AUTS2: variants seen among roughly 807,000 people sequenced by gnomAD.
AUTS2 encodes activator of transcription and developmental regulator AUTS2.
Under a neutral mutation model 112.4 loss-of-function variants are expected in AUTS2, and 17 were observed. That is an observed-to-expected ratio of 0.15 (90% CI 0.10 to 0.23). The LOEUF (loss-of-function observed/expected upper bound fraction) is 0.23, where lower values mean the gene tolerates loss of function less well. AUTS2 is among the 10% of genes least tolerant of loss of function. The pLI is 1.00. For synonymous variants in AUTS2, 751 were observed against 702.7 expected (o/e 1.07, Z -1.09); for missense variants, 1,510 against 1,701.6 (o/e 0.89, Z 1.98).
chr7:70,001,368 C>G (rs1799184129), intron 2 of AUTS2, among the ~76,000 whole-genome samples: 1 of 152,048 alleles, frequency 6.6e-6, no homozygotes, highest in Admixed American at 6.6e-5. Flanking sequence ...TCAAGCGATT[C>G]TCCCTCCTTG....
chr7:69,927,186 T>TTA (rs67558137), intron 2 of AUTS2, among the ~76,000 whole-genome samples: 7,384 of 142,306 alleles, frequency 0.052, 251 homozygotes, highest in African/African-American at 0.1. Flanking sequence ...TCCAATATAT[T>TTA]TATATATATA....
At chr7:70,585,853 TATTTA>T (rs1802658865) in intron 5 of AUTS2, among the ~76,000 whole-genome samples, 2 of 76 alleles carry the variant, frequency 0.026, no homozygotes, top group African/African-American at 0.056. Flanking sequence ...TTTATTTATT[TATTTA>T]TGTATGTATA....
intron 1 of AUTS2, among the ~76,000 whole-genome samples, chr7:69,673,562 G>A (rs999870769): frequency 1.4e-4 from 21 of 152,182 alleles, no homozygotes; most frequent in African/African-American, 4.8e-4. Context: ...AATGTCCATG[G>A]GCAAGTTTGT....
chr7:70,462,138 G>C (rs1381681692), intron 5 of AUTS2, among the ~76,000 whole-genome samples: 1 of 152,106 alleles, frequency 6.6e-6, no homozygotes, highest in East Asian at 1.9e-4. Flanking sequence ...TGTAGTCCCA[G>C]CTACTCAGGA....
At chr7:69,909,718 C>A (rs1264505953) in intron 2 of AUTS2, among the ~76,000 whole-genome samples, 1 of 152,016 alleles carries the variant, frequency 6.6e-6, no homozygotes, top group African/African-American at 2.4e-5. Flanking sequence ...AATAAAAATT[C>A]TCATAAGAAT....
At chr7:70,020,421 AGAG>A (rs1178248154) in intron 2 of AUTS2, among the ~76,000 whole-genome samples, 2 of 152,114 alleles carry the variant, frequency 1.3e-5, no homozygotes, top group Non-Finnish European at 2.9e-5. Context: ...TCTGCAAGAG[AGAG>A]ACTGTCAGTT....
At chr7:70,496,384 A>G in intron 5 of AUTS2, among the ~76,000 whole-genome samples, 1 of 58,938 alleles carries the variant, frequency 1.7e-5, no homozygotes, top group African/African-American at 8.9e-5. Context: ...CCCCACTCAC[A>G]CACACCACGT....
In AUTS2 at chr7:69,836,950, A is replaced by G. The variant is rs577328616; in HGVS notation, c.310-62336A>G. Among the ~76,000 whole-genome samples, 7 of 152,300 alleles carry G rather than the reference A, an allele frequency of 4.6e-5. No homozygotes were observed. In the South Asian group the frequency reaches 1.5e-3, roughly 32 times the overall value. On this transcript the variant is annotated intron_variant, in intron 1 of 18. Coordinates refer to ENST00000342771, the MANE Select transcript of AUTS2 (RefSeq NM_015570.4). ...AATTAGTACACAGTAAATGTTAGGT[A>G]TATTTCTCATGTGAATGTGTGCAGT... is the stretch of plus-strand genomic sequence containing the variant.
At chr7:69,890,357 C>T (rs530616115) in intron 1 of AUTS2, among the ~76,000 whole-genome samples, 2 of 152,284 alleles carry the variant, frequency 1.3e-5, no homozygotes, top group South Asian at 4.2e-4. Context: ...GTTCTCTTCT[C>T]ACCTTTGACA....
intron 5 of AUTS2, among the ~76,000 whole-genome samples, chr7:70,626,799 G>A (rs967340820): frequency 1.3e-5 from 2 of 152,168 alleles, no homozygotes; most frequent in African/African-American, 4.8e-5. Context: ...ATTCACTTAA[G>A]ATAATGGCCT....
intron 4 of AUTS2, among the ~76,000 whole-genome samples, chr7:70,330,013 C>G (rs1180701215): frequency 1.3e-5 from 2 of 152,148 alleles, no homozygotes; most frequent in Non-Finnish European, 2.9e-5. Flanking sequence ...GCCTTAGTCC[C>G]ATTCAAGAGG....
At chr7:70,397,472 A>G (rs1794138545) in intron 4 of AUTS2, among the ~76,000 whole-genome samples, 1 of 151,996 alleles carries the variant, frequency 6.6e-6, no homozygotes, top group Non-Finnish European at 1.5e-5. Flanking sequence ...TTTGTTTTCC[A>G]TATGTATATC....
chr7:70,264,066 A>G (rs1248280980), intron 4 of AUTS2, among the ~76,000 whole-genome samples: 3 of 152,178 alleles, frequency 2.0e-5, no homozygotes, highest in African/African-American at 4.8e-5. Flanking sequence ...CCAATTGGCA[A>G]TGCTCCTTTC....
chr7:70,069,453 T>C (rs1257120244), intron 2 of AUTS2, among the ~76,000 whole-genome samples: 1 of 152,212 alleles, frequency 6.6e-6, no homozygotes, highest in African/African-American at 2.4e-5. Flanking sequence ...AGATTCTCCC[T>C]TTGTAATTAA....
At chr7:70,662,208 T>C (rs1585462035) in intron 5 of AUTS2, among the ~76,000 whole-genome samples, 1 of 152,244 alleles carries the variant, frequency 6.6e-6, no homozygotes, top group Non-Finnish European at 1.5e-5. Context: ...CTTCTGCCCA[T>C]TGCACAGTGG....
chr7:70,232,337 C>T (rs1323916859), intron 4 of AUTS2, among the ~76,000 whole-genome samples: 15 of 151,774 alleles, frequency 9.9e-5, no homozygotes, highest in Non-Finnish European at 1.8e-4. Context: ...CTTTGTCTTT[C>T]TATGAGCATA....
intron 2 of AUTS2, among the ~76,000 whole-genome samples, chr7:70,070,172 A>G (rs1236868017): frequency 6.6e-6 from 1 of 152,104 alleles, no homozygotes; most frequent in Non-Finnish European, 1.5e-5. Flanking sequence ...TTGTGCCTAA[A>G]AGAGAGAGAG....
At chr7:70,564,100 T>G (rs1261706614) in intron 5 of AUTS2, among the ~76,000 whole-genome samples, 1 of 152,240 alleles carries the variant, frequency 6.6e-6, no homozygotes, top group Non-Finnish European at 1.5e-5. Flanking sequence ...GCCTAATGTC[T>G]TTGTGGTTTC....
At chr7:69,782,955 C>T (rs1016588092) in intron 1 of AUTS2, among the ~76,000 whole-genome samples, 2 of 152,118 alleles carry the variant, frequency 1.3e-5, no homozygotes, top group Non-Finnish European at 2.9e-5. Flanking sequence ...TAGATATTCT[C>T]CCCTGCTCTG....
Sources: allele counts gnomAD v4.1 joint callset (sites outside exome capture counted in the v4.1 genomes callset), GRCh38; gene constraint gnomAD v4.1.1; transcripts MANE v1.5; gene names NCBI Gene and HGNC (gene_info 2026-07-23, HGNC 2026-07-21).